Variants in NOL4 observed in about 807,000 individuals in gnomAD.
The protein encoded by NOL4 is nucleolar protein 4.
A neutral mutation model predicts 75.9 loss-of-function variants in NOL4; 17 were observed. The observed-to-expected ratio is 0.22, with a 90% CI of 0.15 to 0.34. NOL4 has a LOEUF of 0.34. Among genes scored for constraint, NOL4 ranks in the 10% least tolerant of loss-of-function variants. The pLI, the probability that NOL4 is intolerant of heterozygous loss-of-function variation, is 1.00. For synonymous variants in NOL4, 292 were observed against 289.9 expected (o/e 1.01, Z -0.07); for missense variants, 614 against 793.5 (o/e 0.77, Z 2.72).
At chr18:33,987,183 A>G (rs1437367998) in intron 6 of NOL4, among the ~76,000 whole-genome samples, 1 of 152,134 alleles carries the variant, frequency 6.6e-6, no homozygotes, top group Non-Finnish European at 1.5e-5. Flanking sequence ...TTTGTTGTAT[A>G]TAAAGTATAC....
chr18:34,217,692 T>C (rs1233913328), intron 1 of NOL4, among the ~76,000 whole-genome samples: 2 of 150,880 alleles, frequency 1.3e-5, no homozygotes, highest in African/African-American at 4.9e-5. Flanking sequence ...TTAAGCAACT[T>C]TTTTTTTTAG....
intron 10 of NOL4, among the ~76,000 whole-genome samples, chr18:33,877,852 G>A (rs985114012): frequency 1.6e-4 from 23 of 145,916 alleles, no homozygotes; most frequent in Admixed American, 4.7e-4. Context: ...GTGTGTGTGT[G>A]CGCTATCATA....
intron 1 of NOL4, among the ~76,000 whole-genome samples, chr18:34,144,283 G>A (rs1036021393): frequency 6.6e-6 from 1 of 152,064 alleles, no homozygotes; most frequent in Non-Finnish European, 1.5e-5. Context: ...TAGCTCTCAT[G>A]AGTTAGTACA....
At chr18:34,119,704 C>G (rs772245898) in intron 2 of NOL4, among the ~76,000 whole-genome samples, 3 of 152,130 alleles carry the variant, frequency 2.0e-5, no homozygotes, top group Non-Finnish European at 2.9e-5. Context: ...TCACTGCCAG[C>G]TCCACTTCCT....
intron 9 of NOL4, among the ~76,000 whole-genome samples, chr18:33,931,021 C>T (rs143675809): frequency 3.0e-3 from 451 of 152,032 alleles, no homozygotes; most frequent in Non-Finnish European, 4.9e-3. Flanking sequence ...TCTTATGCCA[C>T]ATCATTGTTA....
intron 5 of NOL4, chr18:34,023,355 T>C: frequency 2.2e-6 from 1 of 450,742 alleles, no homozygotes; most frequent in East Asian, 7.0e-5. Context: ...AAGATACTTT[T>C]TAAGAATTTA....
intron 6 of NOL4, among the ~76,000 whole-genome samples, chr18:34,014,459 A>C (rs542342900): frequency 6.6e-6 from 1 of 152,138 alleles, no homozygotes; most frequent in African/African-American, 2.4e-5. Flanking sequence ...CAAATACTAA[A>C]AGATAAATAG....
At chr18:34,054,027 T>C (rs991824675) in intron 5 of NOL4, among the ~76,000 whole-genome samples, 2 of 152,100 alleles carry the variant, frequency 1.3e-5, no homozygotes, top group South Asian at 2.1e-4. Flanking sequence ...GAAATTCACA[T>C]ACTTGTAAGT....
At chr18:33,894,873 T>C (rs2065305617) in intron 9 of NOL4, among the ~76,000 whole-genome samples, 1 of 152,070 alleles carries the variant, frequency 6.6e-6, no homozygotes, top group Admixed American at 6.6e-5. Flanking sequence ...GTGCAAAGTT[T>C]CAGACAGACA....
At chr18:34,222,499 A>G (rs2146653882) in intron 1 of NOL4, 3 of 957,560 alleles carry the variant, frequency 3.1e-6, no homozygotes, top group Admixed American at 1.2e-4. Flanking sequence ...AAAACCCCAC[A>G]TCCACCGCTA....
chr18:33,922,204 C>T (rs1301976722), intron 9 of NOL4, among the ~76,000 whole-genome samples: 1 of 152,054 alleles, frequency 6.6e-6, no homozygotes, highest in East Asian at 1.9e-4. Flanking sequence ...TTTGAGTCAC[C>T]CAAGATAATA....
chr18:34,087,071 G>A (rs75154477), intron 5 of NOL4, among the ~76,000 whole-genome samples: 1 of 152,044 alleles, frequency 6.6e-6, no homozygotes, highest in Non-Finnish European at 1.5e-5. Flanking sequence ...TGGCACTCCA[G>A]AACAGCTAGG....
intron 10 of NOL4, among the ~76,000 whole-genome samples, chr18:33,867,383 T>C (rs1450389486): frequency 6.6e-6 from 1 of 152,158 alleles, no homozygotes; most frequent in Non-Finnish European, 1.5e-5. Flanking sequence ...TTTACATCTT[T>C]AAAGAGTCTT....
chr18:34,059,351 C>T (rs1444338984), intron 5 of NOL4, among the ~76,000 whole-genome samples: 1 of 151,940 alleles, frequency 6.6e-6, no homozygotes, highest in African/African-American at 2.4e-5. Flanking sequence ...TCTCTGGACA[C>T]ACCACACTCT....
intron 9 of NOL4, among the ~76,000 whole-genome samples, chr18:33,925,112 T>C (rs1030802253): frequency 7.0e-6 from 1 of 143,176 alleles, no homozygotes; most frequent in African/African-American, 2.6e-5. Flanking sequence ...AATGAGAAAA[T>C]ATGTTAATAC....
At chr18:33,909,386 C>T (rs962948927) in intron 9 of NOL4, among the ~76,000 whole-genome samples, 2 of 152,124 alleles carry the variant, frequency 1.3e-5, no homozygotes, top group South Asian at 4.1e-4. Context: ...GCAATTAAAA[C>T]CTTTTCCTAA....
At chr18:34,003,414 G>A (rs889164151) in intron 6 of NOL4, among the ~76,000 whole-genome samples, 2 of 151,990 alleles carry the variant, frequency 1.3e-5, no homozygotes, top group African/African-American at 4.8e-5. Flanking sequence ...TGTTTAAAAA[G>A]TGAAATAAAG....
intron 1 of NOL4, among the ~76,000 whole-genome samples, chr18:34,196,076 G>A (rs1016805494): frequency 6.6e-6 from 1 of 152,000 alleles, no homozygotes; most frequent in Non-Finnish European, 1.5e-5. Flanking sequence ...ATGTATACCT[G>A]CTTTTTATTC....
intron 10 of NOL4, among the ~76,000 whole-genome samples, chr18:33,860,089 T>C (rs67240801): frequency 5.9e-5 from 9 of 151,946 alleles, no homozygotes; most frequent in African/African-American, 1.9e-4. Flanking sequence ...AGAGCACATG[T>C]GAAGGTGGAA....
Sources: gnomAD v4.1 joint callset for allele counts (sites outside exome capture counted in the v4.1 genomes callset) on GRCh38, gnomAD v4.1.1 for gene constraint, MANE v1.5 for transcripts, NCBI Gene and HGNC (gene_info 2026-07-23, HGNC 2026-07-21) for gene names.